Variants in PLD5 observed in about 807,000 individuals in gnomAD.
The protein encoded by PLD5 is phospholipase D family member 5, also known as inactive phospholipase D5.
In PLD5, 36 loss-of-function variants were observed where a neutral mutation model predicts 61.1. The observed-to-expected ratio is 0.59, with a 90% CI of 0.45 to 0.78. The LOEUF (loss-of-function observed/expected upper bound fraction) is 0.78, where lower values mean the gene tolerates loss of function less well. Ranked by LOEUF, PLD5 falls within the 30% of genes least tolerant of loss-of-function variation. The pLI, the probability that PLD5 is intolerant of heterozygous loss-of-function variation, is 0.00. For missense variants in PLD5, 515 were observed against 644.4 expected, an observed-to-expected ratio of 0.80 and a Z score of 2.17; for synonymous variants, 243 against 242.8, an observed-to-expected ratio of 1.00 and a Z score of -0.01.
chr1:242,154,451 C>T (rs943567488), intron 5 of PLD5, among the ~76,000 whole-genome samples: 2 of 152,108 alleles, frequency 1.3e-5, no homozygotes, highest in African/African-American at 4.8e-5. Flanking sequence ...CCAGTTTTTG[C>T]CCATTCAGAA....
At chr1:242,449,857 G>A (rs1407109934) in intron 1 of PLD5, among the ~76,000 whole-genome samples, 2 of 152,170 alleles carry the variant, frequency 1.3e-5, no homozygotes, top group Non-Finnish European at 2.9e-5. Flanking sequence ...GAGCGAAGAG[G>A]GGCAATGCTG....
chr1:242,204,859 CCAAA>C (rs1346824039), intron 5 of PLD5, among the ~76,000 whole-genome samples: 1 of 152,026 alleles, frequency 6.6e-6, no homozygotes, highest in East Asian at 1.9e-4. Flanking sequence ...TGTTATACTG[CCAAA>C]CAAAGAGCTT....
chr1:242,348,398 G>C (rs934020674), intron 1 of PLD5, among the ~76,000 whole-genome samples, 156 bp from the exon 2 acceptor site: 1 of 152,102 alleles, frequency 6.6e-6, no homozygotes, highest in Non-Finnish European at 1.5e-5. Flanking sequence ...ACATGCCAAA[G>C]ATCTTTATGC....
At chr1:242,221,341 T>G (rs1017204658) in intron 4 of PLD5, among the ~76,000 whole-genome samples, 1 of 152,208 alleles carries the variant, frequency 6.6e-6, no homozygotes, top group African/African-American at 2.4e-5. Context: ...TATTGTGTCT[T>G]CAGGTATTTA....
intron 1 of PLD5, among the ~76,000 whole-genome samples, chr1:242,421,993 A>C (rs1665170877): frequency 6.6e-6 from 1 of 152,120 alleles, no homozygotes; most frequent in East Asian, 1.9e-4. Context: ...AGAAAAGAGA[A>C]GGAGCGTGAC....
At chr1:242,389,733 G>A (rs1199783178) in intron 1 of PLD5, among the ~76,000 whole-genome samples, 2 of 152,004 alleles carry the variant, frequency 1.3e-5, no homozygotes, top group African/African-American at 2.4e-5. Flanking sequence ...TCTCTACAGT[G>A]ACCAGACTTA....
At chr1:242,273,216 G>A (rs2149115490) in intron 3 of PLD5, among the ~76,000 whole-genome samples, 1 of 151,764 alleles carries the variant, frequency 6.6e-6, no homozygotes, top group East Asian at 1.9e-4. Flanking sequence ...TGAGAATGAT[G>A]GCTTCTAGCT....
At chr1:242,151,478 C>T (rs1664924306) in intron 5 of PLD5, among the ~76,000 whole-genome samples, 2 of 152,002 alleles carry the variant, frequency 1.3e-5, no homozygotes, top group South Asian at 4.1e-4. Context: ...CTAAAGATAT[C>T]ATTTCATTGT....
At chr1:242,239,837 T>A (rs1337031819) in intron 4 of PLD5, among the ~76,000 whole-genome samples, 3 of 152,262 alleles carry the variant, frequency 2.0e-5, no homozygotes, top group Admixed American at 2.0e-4. Flanking sequence ...GGGCATCTAA[T>A]ACTCAATAAA....
chr1:242,232,326 T>A (rs1410874984), intron 4 of PLD5, among the ~76,000 whole-genome samples: 4 of 152,138 alleles, frequency 2.6e-5, no homozygotes, highest in South Asian at 2.1e-4. Context: ...AAGAAAAAAA[T>A]TTGTATATCT....
chr1:242,231,559 C>T (rs1671301893), intron 4 of PLD5, among the ~76,000 whole-genome samples: 1 of 152,190 alleles, frequency 6.6e-6, no homozygotes, highest in Non-Finnish European at 1.5e-5. Context: ...TCATCTAATA[C>T]ATCAACAGCT....
intron 2 of PLD5, among the ~76,000 whole-genome samples, chr1:242,304,031 A>G (rs1487236952): frequency 2.0e-5 from 3 of 152,194 alleles, no homozygotes; most frequent in Non-Finnish European, 2.9e-5. Flanking sequence ...ACTGATGGCT[A>G]CTTTCAAGTC....
intron 2 of PLD5, among the ~76,000 whole-genome samples, chr1:242,341,951 G>A (rs1659857758): frequency 1.3e-5 from 2 of 151,470 alleles, no homozygotes; most frequent in Non-Finnish European, 2.9e-5. Context: ...GATTCAGGAA[G>A]ATGAGAGGCA....
chr1:242,249,203 T>C (rs2455527), intron 4 of PLD5, among the ~76,000 whole-genome samples: 81 of 152,264 alleles, frequency 5.3e-4, no homozygotes, highest in Non-Finnish European at 1.0e-3. Context: ...ATTTAAACCA[T>C]TGGGCTCCTC....
intron 1 of PLD5, among the ~76,000 whole-genome samples, chr1:242,512,415 CAAAA>C (rs33990244): frequency 2.4e-4 from 29 of 120,370 alleles, no homozygotes; most frequent in South Asian, 3.1e-4. Flanking sequence ...GACTCCATCT[CAAAA>C]AAAAAAAAAA....
At chr1:242,298,365 G>C (rs989137896) in intron 2 of PLD5, among the ~76,000 whole-genome samples, 70 of 152,244 alleles carry the variant, frequency 4.6e-4, no homozygotes, top group Non-Finnish European at 1.3e-4. Flanking sequence ...TACTTCTGCA[G>C]ATATTATTAC....
At chr1:242,386,057 C>T (rs887285587) in intron 1 of PLD5, among the ~76,000 whole-genome samples, 2 of 152,160 alleles carry the variant, frequency 1.3e-5, no homozygotes, top group Non-Finnish European at 2.9e-5. Flanking sequence ...TAGGTAGCCA[C>T]CTTCTCCCTG....
intron 4 of PLD5, among the ~76,000 whole-genome samples, chr1:242,228,044 A>G (rs562705852): frequency 6.6e-6 from 1 of 152,186 alleles, no homozygotes; most frequent in Admixed American, 6.5e-5. Flanking sequence ...TAGTTTCATA[A>G]CTAGTGTTAT....
intron 1 of PLD5, among the ~76,000 whole-genome samples, chr1:242,402,178 G>A (rs1663974076): frequency 6.6e-6 from 1 of 152,186 alleles, no homozygotes; most frequent in African/African-American, 2.4e-5. Context: ...AATTATGTTT[G>A]TGACAGGATA....
Sources: gnomAD v4.1 joint callset for allele counts (sites outside exome capture counted in the v4.1 genomes callset) on GRCh38, gnomAD v4.1.1 for gene constraint, MANE v1.5 for transcripts, NCBI Gene and HGNC (gene_info 2026-07-23, HGNC 2026-07-21) for gene names.